Variants in ST8SIA5 observed in about 807,000 individuals in gnomAD.
ST8SIA5 encodes alpha-2,8-sialyltransferase 8E.
In ST8SIA5, 24 loss-of-function variants were observed where a neutral mutation model predicts 40.2. That is an observed-to-expected ratio of 0.60 (90% CI 0.43 to 0.84). ST8SIA5 has a LOEUF of 0.84. Ranked by LOEUF, ST8SIA5 falls within the 40% of genes least tolerant of loss-of-function variation. The probability of loss-of-function intolerance (pLI) is 0.00; values close to 1 mark genes in which losing one functional copy is unlikely to be tolerated. For synonymous variants in ST8SIA5, 198 were observed against 201.8 expected (o/e 0.98, Z 0.16); for missense variants, 465 against 498.5 (o/e 0.93, Z 0.64).
intron 1 of ST8SIA5, among the ~76,000 whole-genome samples, chr18:46,711,082 T>G (rs556506565): frequency 6.6e-6 from 1 of 152,218 alleles, no homozygotes; most frequent in Admixed American, 6.5e-5. Flanking sequence ...TATTCCACAC[T>G]GGTTAGAGAC....
intron 1 of ST8SIA5, among the ~76,000 whole-genome samples, chr18:46,739,640 C>T (rs1244999819): frequency 6.6e-6 from 1 of 152,182 alleles, no homozygotes; most frequent in Non-Finnish European, 1.5e-5. Flanking sequence ...GGAACAGAGA[C>T]ATTCAAAGAT....
chr18:46,748,001 C>T (rs949182651), intron 1 of ST8SIA5, among the ~76,000 whole-genome samples: 6 of 151,372 alleles, frequency 4.0e-5, no homozygotes, highest in Non-Finnish European at 7.4e-5. Flanking sequence ...TGTTCTCACT[C>T]ATAGGTGGGA....
chr18:46,735,920 T>C (rs2040029434), intron 1 of ST8SIA5, among the ~76,000 whole-genome samples: 1 of 152,172 alleles, frequency 6.6e-6, no homozygotes, highest in Admixed American at 6.5e-5. Context: ...GACATGATAT[T>C]GTACTATATT....
At chr18:46,689,005 G>T (rs1474545405) in intron 3 of ST8SIA5, 86 bp from the exon 4 acceptor site, 4 of 1,489,018 alleles carry the variant, frequency 2.7e-6, no homozygotes, top group Non-Finnish European at 3.6e-6. Flanking sequence ...AGAACAGAGG[G>T]GTGGAGCCGA....
In ST8SIA5 at chr18:46,679,057, G is replaced by A. The variant is rs1485354207; in HGVS notation, c.*985C>T. Reference sequence around the variant, plus strand: ...CCACCTGACATGTCAGTGCTTTCCAGCCCAGAGCCTATGGTTCCGACTGAG... The same window carrying A: ...CCACCTGACATGTCAGTGCTTTCCAACCCAGAGCCTATGGTTCCGACTGAG... On this transcript the variant is annotated 3_prime_UTR_variant, in exon 7 of 7. Transcript: ENST00000315087. 2.0e-5 allele frequency: 3 copies of A among 151,942 alleles called. No homozygotes were observed. The East Asian group carries it at 5.8e-4, about 29-fold the overall frequency. 9.4% of individuals were successfully genotyped at this position (151,942 alleles called of 1,614,324 possible).
chr18:46,750,978 A>C (rs1039967581), intron 1 of ST8SIA5, among the ~76,000 whole-genome samples: 1 of 152,200 alleles, frequency 6.6e-6, no homozygotes, highest in Middle Eastern at 3.2e-3. Flanking sequence ...GGCAAAATAC[A>C]CAATAACATA....
rs1183262046 is a variant in ST8SIA5 at position 46,756,651 on chromosome 18, C to T, written c.-143G>A. The T allele has an allele frequency of 9.9e-7, 1 of 1,013,852 alleles. No homozygotes were observed. The allele number at this position is 1,013,852 out of a possible 1,614,324, so 62.8% of individuals were successfully genotyped here. On this transcript the variant is annotated 5_prime_UTR_variant, in exon 1 of 7. Coordinates refer to ENST00000315087, the MANE Select transcript of ST8SIA5 (RefSeq NM_013305.6). ...CGGGGGACTTCGAGGGGCAAAGTTT[C>T]TGGTTGGCGCGGCCGGAGCTGGGGG...
chr18:46,756,594 C>G lies in ST8SIA5; in HGVS notation c.-86G>C. The G allele has an allele frequency of 2.1e-6, 3 of 1,454,010 alleles. No individual in the cohort carries two copies. Among genetic ancestry groups the G allele is most frequent in the Non-Finnish European group, 2.7e-6 (3 of 1,091,964 alleles). 90.1% of individuals were successfully genotyped at this position (1,454,010 alleles called of 1,614,324 possible). On this transcript the variant is annotated 5_prime_UTR_variant, in exon 1 of 7. Coordinates refer to ENST00000315087, the MANE Select transcript of ST8SIA5 (RefSeq NM_013305.6). Reference sequence around the variant, plus strand: ...TCCGGGGCCCCGGGGGGCGCGCGGCCGACTTGGCGCCTCACGGTGCGGTCA... The same window carrying G: ...TCCGGGGCCCCGGGGGGCGCGCGGCGGACTTGGCGCCTCACGGTGCGGTCA...
At position 46,675,012 on chromosome 18, in the gene ST8SIA5, CA is replaced by C. The variant is rs2039331401; in HGVS notation, c.*5029del. 1 of 152,020 alleles carries C rather than the reference CA, an allele frequency of 6.6e-6. No homozygotes were observed. Among genetic ancestry groups the C allele is most frequent in the Non-Finnish European group, 1.5e-5 (1 of 68,028 alleles). 9.4% of individuals were successfully genotyped at this position (152,020 alleles called of 1,614,324 possible). On this transcript the variant is annotated 3_prime_UTR_variant, in exon 7 of 7. Transcript: ENST00000315087. ...ACCTGAAGTTTATGATACAGGTAGG[CA>C]ATGGGCCCCACAAAAGGTATTTTTG...
intron 1 of ST8SIA5, among the ~76,000 whole-genome samples, chr18:46,710,720 C>T (rs551765314): frequency 2.6e-5 from 4 of 151,942 alleles, no homozygotes; most frequent in African/African-American, 7.3e-5. Flanking sequence ...TTCCTATGAG[C>T]CTTTCCCCAA....
At chr18:46,726,881 G>A (rs2039936691) in intron 1 of ST8SIA5, among the ~76,000 whole-genome samples, 1 of 152,156 alleles carries the variant, frequency 6.6e-6, no homozygotes, top group South Asian at 2.1e-4. Context: ...TCACACCACT[G>A]CACTGAGCAA....
In ST8SIA5 at chr18:46,706,013, AT is replaced by A. The variant is rs1466537099; in HGVS notation, c.132-1350del. 5.3e-5 allele frequency among the ~76,000 whole-genome samples: 8 copies of A among 152,214 alleles called. No individual in the cohort carries two copies. The East Asian group carries it at 1.3e-3, about 26-fold the overall frequency. ...CAATATATTGGCTTCTTTTAAAAATATTGGTATTTTTATTATTATTATCATT... is the reference window on the plus strand; with the variant it reads ...CAATATATTGGCTTCTTTTAAAAATATGGTATTTTTATTATTATTATCATT... On this transcript the variant is annotated intron_variant, in intron 1 of 6. Coordinates refer to ENST00000315087, the MANE Select transcript of ST8SIA5 (RefSeq NM_013305.6).
chr18:46,726,009 A>ATATATATC (rs1568271474), intron 1 of ST8SIA5, among the ~76,000 whole-genome samples: 1 of 60,936 alleles, frequency 1.6e-5, no homozygotes, highest in South Asian at 7.9e-4. Context: ...ATATATATAT[A>ATATATATC]TCCTGGATAT....
intron 2 of ST8SIA5, among the ~76,000 whole-genome samples, chr18:46,693,512 G>A (rs1271760505): frequency 2.0e-5 from 3 of 152,148 alleles, no homozygotes; most frequent in African/African-American, 7.2e-5. Flanking sequence ...TCTCAGGAAA[G>A]GGAACGTCTA....
intron 1 of ST8SIA5, among the ~76,000 whole-genome samples, chr18:46,755,498 G>A (rs772153625): frequency 2.0e-4 from 31 of 152,130 alleles, no homozygotes; most frequent in Admixed American, 3.9e-4. Flanking sequence ...CCTAGAGCAA[G>A]AACCTCCCCT....
At chr18:46,730,296 T>G in intron 1 of ST8SIA5, 1 of 975,964 alleles carries the variant, frequency 1.0e-6, no homozygotes, top group Non-Finnish European at 1.2e-6. Context: ...ATTGAACCTC[T>G]TGAAGTCTCA....
intron 3 of ST8SIA5, chr18:46,691,824 G>A (rs551992854): frequency 1.3e-5 from 4 of 316,726 alleles, no homozygotes; most frequent in East Asian, 7.1e-5. Context: ...TAGAGGATGC[G>A]TAATGCACCT....
intron 1 of ST8SIA5, among the ~76,000 whole-genome samples, chr18:46,722,712 C>T (rs76454464): frequency 0.01 from 1,545 of 152,312 alleles, 11 homozygotes; most frequent in Non-Finnish European, 0.017. Flanking sequence ...CAGCATTGTA[C>T]CCTGGACCCT....
intron 1 of ST8SIA5, among the ~76,000 whole-genome samples, chr18:46,732,805 G>T (rs939832100): frequency 1.3e-5 from 2 of 152,194 alleles, no homozygotes; most frequent in East Asian, 1.9e-4. Flanking sequence ...GGGGCGAAAG[G>T]CTTCAATGCT....
Sources: allele counts gnomAD v4.1 joint callset (sites outside exome capture counted in the v4.1 genomes callset), GRCh38; gene constraint gnomAD v4.1.1; transcripts MANE v1.5; gene names NCBI Gene and HGNC (gene_info 2026-07-23, HGNC 2026-07-21).